Variants in CAPS2 observed in about 807,000 individuals in gnomAD.
CAPS2 encodes the protein calcyphosin-2.
CAPS2 carries 98 observed loss-of-function variants against 86.5 expected under a neutral mutation model. The ratio of observed to expected loss-of-function variants is 1.13; its 90% CI spans 0.96 to 1.34. The LOEUF is 1.34. Among genes scored for constraint, CAPS2 ranks in the 40% most tolerant of loss-of-function variants. The pLI is 0.00. For missense variants in CAPS2, 729 were observed against 686.8 expected, an observed-to-expected ratio of 1.06 and a Z score of -0.69; for synonymous variants, 210 against 225.1, an observed-to-expected ratio of 0.93 and a Z score of 0.60.
At chr12:75,377,790 C>T (rs1056116882) in intron 1 of CAPS2, among the ~76,000 whole-genome samples, 5 of 151,556 alleles carry the variant, frequency 3.3e-5, no homozygotes, top group Non-Finnish European at 7.4e-5. Flanking sequence ...AGGAACAATA[C>T]TTTGCATCCT....
intron 7 of CAPS2, chr12:75,305,984 G>A (rs113577778): frequency 1.4e-6 from 2 of 1,404,458 alleles, no homozygotes; most frequent in South Asian, 1.2e-5. Flanking sequence ...CAACAGCAGG[G>A]TCCTGACAGG....
At chr12:75,289,966 T>C (rs540817996) in intron 13 of CAPS2, among the ~76,000 whole-genome samples, 191 bp from the exon 14 acceptor site, 3 of 152,254 alleles carry the variant, frequency 2.0e-5, no homozygotes, top group East Asian at 3.9e-4. Context: ...AAACATAAAA[T>C]CACATGTAAA....
chr12:75,292,052 T>C (rs11180446), intron 12 of CAPS2, among the ~76,000 whole-genome samples: 11,429 of 151,806 alleles, frequency 0.075, 553 homozygotes, highest in South Asian at 0.17. Context: ...AAACTACTTG[T>C]TTTGTTTGTT....
At chr12:75,374,739 G>T (rs1451863878) in intron 1 of CAPS2, among the ~76,000 whole-genome samples, 1 of 152,220 alleles carries the variant, frequency 6.6e-6, no homozygotes, top group Non-Finnish European at 1.5e-5. Flanking sequence ...TTTGCCAACT[G>T]AAGGCAAATT....
At chr12:75,359,106 T>C (rs182572255) in intron 1 of CAPS2, among the ~76,000 whole-genome samples, 10 of 150,488 alleles carry the variant, frequency 6.6e-5, no homozygotes, top group African/African-American at 2.4e-4. Flanking sequence ...AGTTTAGCAA[T>C]CTTTTAGGAT....
At chr12:75,325,241 T>G in exon 2 of CAPS2, 1 of 1,549,438 alleles carries the variant, frequency 6.5e-7, no homozygotes, top group Non-Finnish European at 8.7e-7. Flanking sequence ...TAACTTACAC[T>G]GGTGGGCAAG....
At chr12:75,300,532 G>C (rs1331255499) in intron 8 of CAPS2, among the ~76,000 whole-genome samples, 1 of 135,350 alleles carries the variant, frequency 7.4e-6, no homozygotes, top group Non-Finnish European at 1.5e-5. Context: ...CTCCAGCCTG[G>C]GCGACAGAGC....
intron 1 of CAPS2, chr12:75,366,905 A>G (rs1204040704): frequency 4.3e-6 from 3 of 701,656 alleles, no homozygotes; most frequent in Non-Finnish European, 7.8e-6. Context: ...GGGCCACTGC[A>G]TGTCAAAAGG....
chr12:75,364,699 G>A (rs1159208879), intron 1 of CAPS2: 1 of 152,190 alleles, frequency 6.6e-6, no homozygotes, highest in African/African-American at 2.4e-5. Flanking sequence ...ATAGCAATTA[G>A]CTACACAGAA....
chr12:75,299,878 C>T lies in CAPS2; in HGVS notation c.813G>A (p.Val271=), dbSNP rs771116692. 28 of 1,536,206 alleles carry T rather than the reference C, an allele frequency of 1.8e-5. No homozygotes were observed. The Admixed American group carries it at 2.4e-4, about 13-fold the overall frequency. ...CATCAAACTGTAATTTATGAGAAAG[C>T]ACATTTTCAGTTAATGTAGAATGAG... The change falls in exon 9 of 17, where the codon GTG becomes GTA. Residue 271 remains valine, a synonymous_variant. Transcript: ENST00000393284.
At chr12:75,372,412 G>A (rs780624310) in intron 1 of CAPS2, among the ~76,000 whole-genome samples, 4 of 152,102 alleles carry the variant, frequency 2.6e-5, no homozygotes, top group Non-Finnish European at 5.9e-5. Context: ...GTAACCAGGT[G>A]GCAATCCTAA....
rs749259617 is a variant in CAPS2 at position 75,285,088 on chromosome 12, C to T, written c.1396-8G>A. 1.9e-6 allele frequency: 3 copies of T among 1,601,892 alleles called. No homozygotes were observed. Among genetic ancestry groups the T allele is most frequent in the Non-Finnish European group, 2.6e-6 (3 of 1,175,978 alleles). On this transcript the variant is annotated splice_polypyrimidine_tract_variant and splice_region_variant and intron_variant, in intron 14 of 16. Coordinates refer to ENST00000393284, the Ensembl canonical transcript of CAPS2. ...CCATGCAGACTCAAAATCCTAGAAACAATCAGAGATAACTGTTGCATTTTT... is the reference window on the plus strand; with the variant it reads ...CCATGCAGACTCAAAATCCTAGAAATAATCAGAGATAACTGTTGCATTTTT...
At chr12:75,358,819 TATATATAATATATAACA>T (rs1382242927) in intron 1 of CAPS2, among the ~76,000 whole-genome samples, 65 of 144,296 alleles carry the variant, frequency 4.5e-4, no homozygotes, top group African/African-American at 1.6e-3. Context: ...TATGTTTAAA[TATATATAATATATAACA>T]ATATATAATA....
At chr12:75,325,052 C>T (rs1316424612) in intron 2 of CAPS2, among the ~76,000 whole-genome samples, 187 bp downstream of exon 3, 2 of 152,150 alleles carry the variant, frequency 1.3e-5, no homozygotes, top group East Asian at 3.9e-4. Context: ...ACCTATAATT[C>T]TACCATCTTA....
chr12:75,343,536 A>C (rs1446068158), intron 1 of CAPS2, among the ~76,000 whole-genome samples: 1 of 152,126 alleles, frequency 6.6e-6, no homozygotes, highest in African/African-American at 2.4e-5. Context: ...AGTAGAACTA[A>C]AAAGAAATCA....
chr12:75,312,665 T>C (rs1282866406), intron 7 of CAPS2, among the ~76,000 whole-genome samples, 183 bp downstream of exon 7: 1 of 152,224 alleles, frequency 6.6e-6, no homozygotes, highest in Non-Finnish European at 1.5e-5. Context: ...TAGGTATTTC[T>C]ATTCGTCTAA....
chr12:75,311,061 A>C (rs1246281453), intron 7 of CAPS2, among the ~76,000 whole-genome samples: 1 of 152,226 alleles, frequency 6.6e-6, no homozygotes, highest in African/African-American at 2.4e-5. Context: ...TTTTGTGGTG[A>C]CACATAATTA....
upstream of CAPS2, among the ~76,000 whole-genome samples, chr12:75,333,259 C>CATAT (rs5799219): frequency 5.3e-5 from 8 of 151,894 alleles, no homozygotes; most frequent in Admixed American, 3.3e-4. Flanking sequence ...GACACACACA[C>CATAT]ATATATGTGT....
chr12:75,369,311 T>C (rs1355664780), intron 1 of CAPS2, among the ~76,000 whole-genome samples: 1 of 145,340 alleles, frequency 6.9e-6, no homozygotes, highest in East Asian at 1.9e-4. Flanking sequence ...TTTACTCATC[T>C]TATTTATTTA....
Sources: gnomAD v4.1 joint callset for allele counts (sites outside exome capture counted in the v4.1 genomes callset) on GRCh38, gnomAD v4.1.1 for gene constraint, MANE v1.5 for transcripts, NCBI Gene and HGNC (gene_info 2026-07-23, HGNC 2026-07-21) for gene names.